The following GNAQ variants were observed in gnomAD, a reference collection of about 807,000 sequenced individuals.
GNAQ encodes the protein guanine nucleotide-binding protein G(q) subunit alpha.
A neutral mutation model predicts 43.9 loss-of-function variants in GNAQ; 8 were observed. The observed-to-expected ratio is 0.18, with a 90% confidence interval of 0.11 to 0.33. The LOEUF (loss-of-function observed/expected upper bound fraction) is 0.33. Among genes scored for constraint, GNAQ ranks in the 10% least tolerant of loss-of-function variants. The probability of loss-of-function intolerance (pLI) is 1.00; values close to 1 mark genes in which losing one functional copy is unlikely to be tolerated. For synonymous variants in GNAQ, 155 were observed against 170.7 expected (o/e 0.91, Z 0.71); for missense variants, 158 against 450.8 (o/e 0.35, Z 5.88).
At chr9:77,862,508 C>A (rs1827870275) in intron 2 of GNAQ, among the ~76,000 whole-genome samples, 1 of 152,198 alleles carries the variant, frequency 6.6e-6, no homozygotes, top group South Asian at 2.1e-4. Flanking sequence ...GGTACCTTGG[C>A]CCCTTTCAGC....
At chr9:77,989,589 T>C (rs571147960) in intron 1 of GNAQ, among the ~76,000 whole-genome samples, 4 of 152,350 alleles carry the variant, frequency 2.6e-5, no homozygotes, top group Non-Finnish European at 5.9e-5. Flanking sequence ...TGGCTGCATA[T>C]GGCTGTGGAG....
At chr9:77,908,547 TTG>T (rs1174982107) in intron 2 of GNAQ, among the ~76,000 whole-genome samples, 1 of 152,252 alleles carries the variant, frequency 6.6e-6, no homozygotes, top group African/African-American at 2.4e-5. Context: ...GTTGATGTTA[TTG>T]TCCCAAAAGT....
At chr9:77,760,803 A>G (rs1825990119) in intron 5 of GNAQ, among the ~76,000 whole-genome samples, 1 of 150,230 alleles carries the variant, frequency 6.7e-6, no homozygotes, top group Non-Finnish European at 1.5e-5. Flanking sequence ...GGAAGTGAGG[A>G]GCGTCTCTGC....
At chr9:77,986,114 T>C (rs990097034) in intron 1 of GNAQ, among the ~76,000 whole-genome samples, 2 of 152,170 alleles carry the variant, frequency 1.3e-5, no homozygotes, top group Non-Finnish European at 2.9e-5. Context: ...TCAATATTTG[T>C]TTATTCTCCA....
At chr9:77,932,140 C>A (rs1362145017) in intron 1 of GNAQ, among the ~76,000 whole-genome samples, 1 of 152,186 alleles carries the variant, frequency 6.6e-6, no homozygotes. Flanking sequence ...GTGGCAAGTG[C>A]TTTTATTCAC....
intron 2 of GNAQ, among the ~76,000 whole-genome samples, chr9:77,846,616 C>G (rs1415841225): frequency 1.3e-5 from 2 of 152,064 alleles, no homozygotes; most frequent in African/African-American, 2.4e-5. Flanking sequence ...GATGGCCGAA[C>G]TGTTTATCAT....
intron 5 of GNAQ, among the ~76,000 whole-genome samples, chr9:77,766,606 T>C (rs1301186798): frequency 1.3e-5 from 2 of 151,722 alleles, no homozygotes; most frequent in Non-Finnish European, 2.9e-5. Flanking sequence ...TGTTCCAGGC[T>C]GGGCTCAACA....
At chr9:78,006,944 G>A (rs1266557670) in intron 1 of GNAQ, among the ~76,000 whole-genome samples, 2 of 152,276 alleles carry the variant, frequency 1.3e-5, no homozygotes, top group African/African-American at 2.4e-5. Flanking sequence ...ATGAAAATGA[G>A]AGATGAGCCA....
chr9:77,776,433 G>A (rs974971636), intron 5 of GNAQ, among the ~76,000 whole-genome samples: 1 of 152,132 alleles, frequency 6.6e-6, no homozygotes, highest in Non-Finnish European at 1.5e-5. Context: ...ACTAATATCA[G>A]ACAAAACAGA....
intron 1 of GNAQ, among the ~76,000 whole-genome samples, chr9:77,978,256 C>G (rs935911500): frequency 1.3e-5 from 2 of 152,144 alleles, no homozygotes; most frequent in African/African-American, 4.8e-5. Flanking sequence ...CCGCCTCCCC[C>G]GTATCTAACT....
chr9:77,919,493 G>T (rs374259227), intron 2 of GNAQ, among the ~76,000 whole-genome samples: 1 of 152,080 alleles, frequency 6.6e-6, no homozygotes, highest in African/African-American at 2.4e-5. Flanking sequence ...GAGAACTCTC[G>T]GAAGAAGAGG....
At chr9:77,763,497 C>T (rs1056771619) in intron 5 of GNAQ, among the ~76,000 whole-genome samples, 8 of 152,144 alleles carry the variant, frequency 5.3e-5, no homozygotes, top group Non-Finnish European at 1.0e-4. Context: ...GAAGCCTTTT[C>T]AATTGTCCTC....
chr9:77,874,133 C>CAAAAAAAA (rs1330612883), intron 2 of GNAQ, among the ~76,000 whole-genome samples: 13 of 150,868 alleles, frequency 8.6e-5, no homozygotes, highest in African/African-American at 3.2e-4. Flanking sequence ...AACAAAAAAA[C>CAAAAAAAA]AAAAAAACAA....
chr9:77,998,072 G>A (rs921718790), intron 1 of GNAQ, among the ~76,000 whole-genome samples: 3 of 151,866 alleles, frequency 2.0e-5, no homozygotes, highest in South Asian at 2.1e-4. Context: ...ACGCACACGC[G>A]CGCATGTACA....
At chr9:77,732,304 G>A (rs779358751) in intron 5 of GNAQ, among the ~76,000 whole-genome samples, 1 of 151,960 alleles carries the variant, frequency 6.6e-6, no homozygotes, top group African/African-American at 2.4e-5. Context: ...TGGTAATCAC[G>A]CCCTCTTTTT....
At chr9:77,963,482 G>A (rs1031298043) in intron 1 of GNAQ, among the ~76,000 whole-genome samples, 1 of 152,088 alleles carries the variant, frequency 6.6e-6, no homozygotes, top group Non-Finnish European at 1.5e-5. Flanking sequence ...AGAGCCTGAA[G>A]CATTTCTTTG....
At chr9:77,939,641 T>C (rs963157358) in intron 1 of GNAQ, among the ~76,000 whole-genome samples, 1 of 152,124 alleles carries the variant, frequency 6.6e-6, no homozygotes, top group East Asian at 1.9e-4. Flanking sequence ...CACAAGTCAA[T>C]AGCCATAACA....
chr9:77,951,789 G>GT (rs1035043516), intron 1 of GNAQ, among the ~76,000 whole-genome samples: 3 of 152,154 alleles, frequency 2.0e-5, no homozygotes, highest in African/African-American at 7.2e-5. Flanking sequence ...ATCTCGATGA[G>GT]TTATCAGATC....
chr9:77,893,616 A>G (rs2118118673), intron 2 of GNAQ, among the ~76,000 whole-genome samples: 1 of 152,054 alleles, frequency 6.6e-6, no homozygotes, highest in South Asian at 2.1e-4. Context: ...TACTCTATGG[A>G]CTCACTCTGA....
Sources: allele counts gnomAD v4.1 joint callset (sites outside exome capture counted in the v4.1 genomes callset), GRCh38; gene constraint gnomAD v4.1.1; transcripts MANE v1.5; gene names NCBI Gene and HGNC (gene_info 2026-07-23, HGNC 2026-07-21).